The following ELMO1 variants were observed in gnomAD, a reference collection of about 807,000 sequenced individuals.
ELMO1 encodes engulfment and cell motility 1, also known as engulfment and cell motility protein 1.
ELMO1 carries 26 observed loss-of-function variants against 98.9 expected under a neutral mutation model. The observed-to-expected ratio is 0.26, with a 90% CI of 0.19 to 0.36. ELMO1 has a LOEUF of 0.36. Among genes scored for constraint, ELMO1 ranks in the 10% least tolerant of loss-of-function variants. The pLI is 1.00. For missense variants in ELMO1, 627 were observed against 935.2 expected (o/e 0.67, Z 4.30); for synonymous variants, 346 against 346.0 (o/e 1.00, Z 0.00).
chr7:37,247,894 A>AGTGTGTGTGT (rs1562551690), intron 6 of ELMO1, among the ~76,000 whole-genome samples: 2 of 108,172 alleles, frequency 1.8e-5, no homozygotes, highest in African/African-American at 7.3e-5. Context: ...TTTGAAATAA[A>AGTGTGTGTGT]ATGTGTGTGT....
At chr7:36,962,992 T>C (rs918731814) in intron 16 of ELMO1, among the ~76,000 whole-genome samples, 5 of 152,244 alleles carry the variant, frequency 3.3e-5, no homozygotes, top group African/African-American at 4.8e-5. Context: ...GTATTATTTC[T>C]AATAGCGTAC....
intron 20 of ELMO1, among the ~76,000 whole-genome samples, chr7:36,865,864 CTGAATGAATGAA>C (rs954735488): frequency 6.6e-6 from 1 of 152,138 alleles, no homozygotes; most frequent in African/African-American, 2.4e-5. Flanking sequence ...CAATACATTG[CTGAATGAATGAA>C]TGAATGGATG....
At chr7:37,277,386 A>G (rs1187250008) in intron 4 of ELMO1, among the ~76,000 whole-genome samples, 2 of 152,234 alleles carry the variant, frequency 1.3e-5, no homozygotes, top group East Asian at 3.8e-4. Context: ...GGAGAAGAGG[A>G]AACAGCACAT....
intron 1 of ELMO1, among the ~76,000 whole-genome samples, chr7:37,407,880 G>C (rs73118741): frequency 0.018 from 2,746 of 152,216 alleles, 37 homozygotes; most frequent in Middle Eastern, 0.048. Flanking sequence ...GTTAATAAGA[G>C]GGAAGCCCTG....
In ELMO1 at chr7:37,356,158, TTCCATG is replaced by T. The variant is rs564871817; in HGVS notation, c.-73-13401_-73-13396del. Among the ~76,000 whole-genome samples the T allele has an allele frequency of 1.9e-3, 295 of 152,280 alleles. 1 individual carries two copies. The highest frequency in any genetic ancestry group is 0.014 in the Middle Eastern group (4 of 294). On this transcript the variant is annotated intron_variant, in intron 1 of 21. Transcript: ENST00000310758. ...CTGAAGCAACTCATAAAAAACAAAA[TTCCATG>T]GTGTCTATGTGCCACATTTTCTTTA... is the stretch of plus-strand genomic sequence containing the variant.
At chr7:36,938,448 C>G (rs893318746) in intron 16 of ELMO1, among the ~76,000 whole-genome samples, 3 of 152,112 alleles carry the variant, frequency 2.0e-5, no homozygotes, top group Non-Finnish European at 4.4e-5. Flanking sequence ...AAAACTGAAA[C>G]TGGAAATCAC....
chr7:36,932,047 T>C (rs935692623), intron 16 of ELMO1, among the ~76,000 whole-genome samples: 2 of 152,154 alleles, frequency 1.3e-5, no homozygotes, highest in African/African-American at 4.8e-5. Context: ...AGGTGTAAGA[T>C]GATCTGCTCT....
rs1159637688 is a variant in ELMO1 at position 37,256,746 on chromosome 7, GGAAGGGAAGGGAAGGGA to G, written c.413+2418_413+2434del. Among the ~76,000 whole-genome samples, 18 of 119,776 alleles carry G rather than the reference GGAAGGGAAGGGAAGGGA, an allele frequency of 1.5e-4. No homozygotes were observed. The South Asian group carries it at 3.5e-3, about 24-fold the overall frequency. The allele number at this position is 119,776 out of a possible 152,430, so 78.6% of individuals were successfully genotyped here. On this transcript the variant is annotated intron_variant, in intron 6 of 21. Transcript: ENST00000310758. ...CAGGGGGAAGGGAAGGGAAGGGAAG[GGAAGGGAAGGGAAGGGA>G]GAAGGGAGGAGGAAGGGAAGGGAGA...
At chr7:37,165,983 G>A (rs1384232052) in intron 13 of ELMO1, among the ~76,000 whole-genome samples, 1 of 152,060 alleles carries the variant, frequency 6.6e-6, no homozygotes, top group Non-Finnish European at 1.5e-5. Flanking sequence ...CTTTTTGGTT[G>A]GCCAAGCTAT....
At chr7:37,174,877 T>A (rs961756366) in intron 13 of ELMO1, among the ~76,000 whole-genome samples, 1 of 152,128 alleles carries the variant, frequency 6.6e-6, no homozygotes, top group African/African-American at 2.4e-5. Flanking sequence ...CTCTCTTCTA[T>A]CAATAAGCCA....
intron 1 of ELMO1, among the ~76,000 whole-genome samples, chr7:37,427,042 C>A (rs1286741027): frequency 6.6e-6 from 1 of 151,752 alleles, no homozygotes; most frequent in Non-Finnish European, 1.5e-5. Flanking sequence ...AAATCACAAA[C>A]TAACCTTTGC....
At chr7:37,036,435 A>G (rs1795179358) in intron 15 of ELMO1, among the ~76,000 whole-genome samples, 1 of 152,190 alleles carries the variant, frequency 6.6e-6, no homozygotes, top group African/African-American at 2.4e-5. Context: ...CAATAGTGCA[A>G]TCTTGGCTTA....
intron 8 of ELMO1, 60 bp from the exon 9 acceptor site, chr7:37,225,090 A>G: frequency 2.5e-6 from 4 of 1,597,826 alleles, no homozygotes; most frequent in Non-Finnish European, 3.4e-6. Context: ...AGACGTGGAG[A>G]AGGGAACAAA....
At chr7:36,941,264 T>C (rs984279067) in intron 16 of ELMO1, among the ~76,000 whole-genome samples, 1 of 152,252 alleles carries the variant, frequency 6.6e-6, no homozygotes, top group Non-Finnish European at 1.5e-5. Context: ...GCTTTTTATA[T>C]AGTGTTTGGT....
chr7:37,296,589 A>G (rs1043954360), intron 4 of ELMO1, among the ~76,000 whole-genome samples: 2 of 152,152 alleles, frequency 1.3e-5, no homozygotes, highest in African/African-American at 4.8e-5. Context: ...GATCACATTC[A>G]AGAGACAGGG....
At chr7:36,959,550 C>G (rs1004950608) in intron 16 of ELMO1, among the ~76,000 whole-genome samples, 6 of 152,228 alleles carry the variant, frequency 3.9e-5, no homozygotes, top group Non-Finnish European at 8.8e-5. Flanking sequence ...TTTCTCACCC[C>G]TCTGCCTCTT....
At chr7:37,249,949 G>A (rs1795246589) in intron 6 of ELMO1, among the ~76,000 whole-genome samples, 2 of 152,060 alleles carry the variant, frequency 1.3e-5, no homozygotes, top group South Asian at 4.1e-4. Flanking sequence ...AGGTGTGGTG[G>A]CACCTGTAGT....
chr7:37,366,500 C>T (rs1169063348), intron 1 of ELMO1, among the ~76,000 whole-genome samples: 1 of 152,152 alleles, frequency 6.6e-6, no homozygotes, highest in Non-Finnish European at 1.5e-5. Flanking sequence ...AGATCCATTC[C>T]AATCTCCCAA....
chr7:37,150,000 G>A (rs1367748546), intron 13 of ELMO1, among the ~76,000 whole-genome samples: 1 of 152,072 alleles, frequency 6.6e-6, no homozygotes, highest in Non-Finnish European at 1.5e-5. Context: ...TTAGCTCATG[G>A]CTAGAAGGTC....
Sources: gnomAD v4.1 joint callset for allele counts (sites outside exome capture counted in the v4.1 genomes callset) on GRCh38, gnomAD v4.1.1 for gene constraint, MANE v1.5 for transcripts, NCBI Gene and HGNC (gene_info 2026-07-23, HGNC 2026-07-21) for gene names.